The following WWOX variants were observed in gnomAD, a reference collection of about 807,000 sequenced individuals.
WWOX encodes WW domain containing oxidoreductase, also known as WW domain-containing oxidoreductase.
A neutral mutation model predicts 46.2 loss-of-function variants in WWOX; 69 were observed. That is an observed-to-expected ratio of 1.49 (90% CI 1.23 to 1.82). The LOEUF (loss-of-function observed/expected upper bound fraction) is 1.82. Ranked by LOEUF, WWOX falls within the 40% of genes most tolerant of loss-of-function variation. WWOX has a pLI of 0.00. For synonymous variants in WWOX, 359 were observed against 202.6 expected (o/e 1.77, Z -6.56); for missense variants, 919 against 542.6 (o/e 1.69, Z -6.89).
intron 8 of WWOX, among the ~76,000 whole-genome samples, chr16:78,985,899 A>G (rs2046775339): frequency 6.6e-6 from 1 of 152,248 alleles, no homozygotes; most frequent in South Asian, 2.1e-4. Context: ...CAGTCCCGTC[A>G]GCCAGGATCC....
chr16:78,711,242 G>C (rs540355837), intron 8 of WWOX, among the ~76,000 whole-genome samples: 58 of 152,294 alleles, frequency 3.8e-4, no homozygotes, highest in Non-Finnish European at 7.5e-4. Context: ...TGTTTGAAAT[G>C]TTCAAAGTGA....
chr16:78,614,012 T>C (rs2045960773), intron 8 of WWOX, among the ~76,000 whole-genome samples: 1 of 152,216 alleles, frequency 6.6e-6, no homozygotes, highest in Non-Finnish European at 1.5e-5. Flanking sequence ...ACAGTAACCA[T>C]ATGCCCACAA....
chr16:78,472,607 G>C (rs1321817770), intron 8 of WWOX, among the ~76,000 whole-genome samples: 1 of 151,964 alleles, frequency 6.6e-6, no homozygotes, highest in East Asian at 1.9e-4. Flanking sequence ...TCAGGAGTTT[G>C]AGACCAGCCT....
chr16:78,785,034 T>A (rs1374470872), intron 8 of WWOX, among the ~76,000 whole-genome samples: 1 of 152,130 alleles, frequency 6.6e-6, no homozygotes, highest in Non-Finnish European at 1.5e-5. Context: ...CAACAGCAGT[T>A]ATAGCCAAGG....
At chr16:78,552,467 C>T (rs542105199) in intron 8 of WWOX, 1 of 152,350 alleles carries the variant, frequency 6.6e-6, no homozygotes, top group Admixed American at 6.5e-5. Flanking sequence ...TATTTACCGT[C>T]AGTCATTTGA....
At chr16:78,454,265 A>C (rs1043934356) in intron 8 of WWOX, among the ~76,000 whole-genome samples, 1 of 152,122 alleles carries the variant, frequency 6.6e-6, no homozygotes, top group South Asian at 2.1e-4. Flanking sequence ...AAGATGTTCT[A>C]TGTTGCTCTA....
chr16:78,746,508 GTAATACT>G (rs1322266987), intron 8 of WWOX, among the ~76,000 whole-genome samples: 1 of 152,070 alleles, frequency 6.6e-6, no homozygotes, highest in African/African-American at 2.4e-5. Context: ...GTGCATTGTA[GTAATACT>G]AGATATCAGC....
chr16:78,347,030 A>C (rs1370544319), intron 5 of WWOX, among the ~76,000 whole-genome samples: 2 of 118,434 alleles, frequency 1.7e-5, no homozygotes, highest in African/African-American at 5.7e-5. Flanking sequence ...CGGTGGTCAT[A>C]TCTCTTTCTT....
intron 8 of WWOX, among the ~76,000 whole-genome samples, chr16:78,511,224 C>G (rs190404553): frequency 1.0e-3 from 159 of 152,320 alleles, no homozygotes; most frequent in African/African-American, 2.8e-3. Flanking sequence ...TTACCTCCCC[C>G]TCCCCAGCGC....
At chr16:78,164,017 G>A (rs1423885656) in intron 4 of WWOX, among the ~76,000 whole-genome samples, 166 bp from the exon 5 acceptor site, 1 of 152,064 alleles carries the variant, frequency 6.6e-6, no homozygotes, top group Non-Finnish European at 1.5e-5. Flanking sequence ...CCACAACTGT[G>A]GCCACTGAAA....
At chr16:79,209,025 G>A (rs76302700) in intron 8 of WWOX, among the ~76,000 whole-genome samples, 6 of 152,072 alleles carry the variant, frequency 3.9e-5, no homozygotes, top group Admixed American at 1.3e-4. Flanking sequence ...CTTTGCTTTC[G>A]GGTGCCCCTC....
intron 8 of WWOX, among the ~76,000 whole-genome samples, chr16:78,742,078 A>G (rs989857916): frequency 1.3e-5 from 2 of 152,204 alleles, no homozygotes; most frequent in African/African-American, 2.4e-5. Context: ...GGATATGGAT[A>G]GAAAACATAG....
At chr16:79,128,786 G>A (rs2049814466) in intron 8 of WWOX, among the ~76,000 whole-genome samples, 1 of 152,188 alleles carries the variant, frequency 6.6e-6, no homozygotes, top group African/African-American at 2.4e-5. Context: ...CAGAGCCGGG[G>A]GCGGAGGCTA....
intron 8 of WWOX, among the ~76,000 whole-genome samples, chr16:78,779,159 T>C (rs374640341): frequency 7.2e-5 from 11 of 152,168 alleles, no homozygotes; most frequent in African/African-American, 2.7e-4. Context: ...TTTTTGTTGT[T>C]TGTTTTTGAG....
chr16:78,931,596 T>C (rs2045625560), intron 8 of WWOX, among the ~76,000 whole-genome samples: 1 of 152,176 alleles, frequency 6.6e-6, no homozygotes, highest in African/African-American at 2.4e-5. Context: ...TATAGTCTAA[T>C]AGAGGAGGCA....
chr16:79,193,824 C>G (rs1015731836), intron 8 of WWOX, among the ~76,000 whole-genome samples: 1 of 152,092 alleles, frequency 6.6e-6, no homozygotes, highest in Non-Finnish European at 1.5e-5. Flanking sequence ...AGTAGACAGA[C>G]AAGATTGTGG....
intron 8 of WWOX, among the ~76,000 whole-genome samples, chr16:79,128,379 CA>C (rs1186365326): frequency 1.3e-5 from 2 of 148,624 alleles, no homozygotes; most frequent in Non-Finnish European, 3.0e-5. Context: ...AAACAAAAAA[CA>C]AAAAACAAAA....
At chr16:78,672,836 A>G (rs1369395955) in intron 8 of WWOX, among the ~76,000 whole-genome samples, 1 of 152,182 alleles carries the variant, frequency 6.6e-6, no homozygotes, top group African/African-American at 2.4e-5. Flanking sequence ...AGTTCTATGG[A>G]TTTTCACTAA....
At chr16:78,728,903 C>A (rs1204406334) in intron 8 of WWOX, among the ~76,000 whole-genome samples, 2 of 152,156 alleles carry the variant, frequency 1.3e-5, no homozygotes, top group Non-Finnish European at 2.9e-5. Context: ...ATGCATAGAT[C>A]ACCTAATTTA....
Sources: allele counts gnomAD v4.1 joint callset (sites outside exome capture counted in the v4.1 genomes callset), GRCh38; gene constraint gnomAD v4.1.1; transcripts MANE v1.5; gene names NCBI Gene and HGNC (gene_info 2026-07-23, HGNC 2026-07-21).